Variants in CIT observed in about 807,000 individuals in gnomAD.
The protein encoded by CIT is citron rho-interacting serine/threonine kinase, also known as citron Rho-interacting kinase.
In CIT, 79 loss-of-function variants were observed where a neutral mutation model predicts 272.7. The ratio of observed to expected loss-of-function variants is 0.29; its 90% confidence interval spans 0.24 to 0.35. The LOEUF (loss-of-function observed/expected upper bound fraction) is 0.35. Among genes scored for constraint, CIT ranks in the 10% least tolerant of loss-of-function variants. The pLI is 1.00. For synonymous variants in CIT, 948 were observed against 995.6 expected, an observed-to-expected ratio of 0.95 and a Z score of 0.90; for missense variants, 1,909 against 2,618.3, an observed-to-expected ratio of 0.73 and a Z score of 5.91.
At chr12:119,750,135 G>C (rs756788696) in intron 23 of CIT, among the ~76,000 whole-genome samples, 2 of 152,204 alleles carry the variant, frequency 1.3e-5, no homozygotes, top group African/African-American at 4.8e-5. Flanking sequence ...TTTTCTTTCA[G>C]AGGTTGGGTA....
At chr12:119,814,033 T>C (rs1966916520) in intron 9 of CIT, among the ~76,000 whole-genome samples, 1 of 152,180 alleles carries the variant, frequency 6.6e-6, no homozygotes, top group Non-Finnish European at 1.5e-5. Flanking sequence ...TAACAGGAAC[T>C]TCCTTGTTTT....
chr12:119,794,498 A>G (rs1215302960), intron 10 of CIT, among the ~76,000 whole-genome samples: 2 of 152,224 alleles, frequency 1.3e-5, no homozygotes, highest in Non-Finnish European at 2.9e-5. Context: ...TTACCCATCC[A>G]GGGGATACCC....
Position 119,693,635 on chromosome 12 carries a change from G to A in CIT, c.5883-3181C>T, listed in dbSNP as rs183993515. Among the ~76,000 whole-genome samples the A allele has an allele frequency of 2.5e-3, 384 of 152,316 alleles. 4 individuals carry two copies. Among genetic ancestry groups the A allele is most frequent in the African/African-American group, 8.6e-3 (359 of 41,568 alleles). On this transcript the variant is annotated intron_variant, in intron 46 of 47. Transcript: ENST00000392521. ...AAAAGATCTAGACATTTTCAGGGGA[G>A]GACTGTGGTGCACTGAGCAGTCACT...
At chr12:119,741,546 T>C (rs1283957719) in intron 24 of CIT, among the ~76,000 whole-genome samples, 1 of 152,242 alleles carries the variant, frequency 6.6e-6, no homozygotes, top group African/African-American at 2.4e-5. Flanking sequence ...ACTTAATATT[T>C]CATTTACAGT....
chr12:119,719,409 TA>T (rs995574960), intron 30 of CIT, among the ~76,000 whole-genome samples: 1 of 151,040 alleles, frequency 6.6e-6, no homozygotes, highest in Non-Finnish European at 1.5e-5. Flanking sequence ...TAATGCAACT[TA>T]AAAAAAAGGT....
Position 119,735,286 on chromosome 12 carries a change from G to A in CIT, c.3030C>T (p.Phe1010=). The A allele has an allele frequency of 6.2e-7, 1 of 1,614,220 alleles. No homozygotes were observed. Among genetic ancestry groups the A allele is most frequent in the South Asian group, 1.1e-5 (1 of 91,084 alleles). The change falls in exon 25 of 48, where the codon TTC becomes TTT. Residue 1010 remains phenylalanine (F), a synonymous_variant. Coordinates refer to ENST00000392521, the MANE Select transcript of CIT (RefSeq NM_001206999.2). ...EDNAELNNQN[F]YLSKQLDEAS... ...CCTCATCGAGTTGTTTGGACAAGTA[G>A]AAGTTTTGGTTGTTGAGTTCAGCGT... is the stretch of plus-strand genomic sequence containing the variant.
rs138756427 is a variant in CIT at position 119,713,615 on chromosome 12, G to A, written c.4340C>T (p.Thr1447Met). ...CQVMCHPKCS[T>M]CLPATCGLPA... ...CAAGCCGCAGGTGGCTGGCAAGCAC[G>A]TGGAGCACTTGGGGTGACACATCAC... is the stretch of plus-strand genomic sequence containing the variant. Residue 1447 changes from threonine to methionine, a missense_variant, in exon 34 of 48, where the codon ACG (threonine) becomes ATG (methionine). This residue lies in a region of CIT where 780 missense variants were observed against 1,067.2 expected (regional missense o/e 0.73). Transcript: ENST00000392521. The surrounding 1 kb of genome is among the most constrained non-coding windows in gnomAD (Gnocchi z 5.2). 13 of 1,614,148 alleles carry A rather than the reference G, an allele frequency of 8.1e-6. No homozygotes were observed. Among genetic ancestry groups the A allele is most frequent in the East Asian group, 6.7e-5 (3 of 44,894 alleles).
chr12:119,801,466 C>T (rs1966192408), intron 10 of CIT, among the ~76,000 whole-genome samples: 1 of 152,176 alleles, frequency 6.6e-6, no homozygotes, highest in African/African-American at 2.4e-5. Flanking sequence ...TCTCCCATAT[C>T]ATTCTGCCTT....
chr12:119,814,636 T>C (rs915496174), intron 9 of CIT, among the ~76,000 whole-genome samples: 1 of 152,194 alleles, frequency 6.6e-6, no homozygotes, highest in Non-Finnish European at 1.5e-5. Context: ...TCTATGATCC[T>C]CATGGAACTA....
At position 119,734,393 on chromosome 12, in the gene CIT, TA is replaced by T. The variant is rs559343715; in HGVS notation, c.3157-37del. Reference sequence around the variant, plus strand: ...GTAGCACTGATTTGTGCCTTGTCTTTAAACAAGGATTTCCTGGAGATTACTT... The same window carrying T: ...GTAGCACTGATTTGTGCCTTGTCTTTAACAAGGATTTCCTGGAGATTACTT... On this transcript the variant is annotated intron_variant, in intron 25 of 47. Transcript: ENST00000392521. 3.9e-3 allele frequency: 6,126 copies of T among 1,590,328 alleles called. 24 individuals are homozygous for T. Among genetic ancestry groups the T allele is most frequent in the Non-Finnish European group, 4.5e-3 (5,285 of 1,163,892 alleles).
At chr12:119,860,277 T>C (rs58974044) in intron 3 of CIT, among the ~76,000 whole-genome samples, 6,898 of 152,188 alleles carry the variant, frequency 0.045, 289 homozygotes, top group African/African-American at 0.11. Flanking sequence ...ACACCTTCCC[T>C]TGGTCCCTTG....
Position 119,710,522 on chromosome 12 carries a change from T to C in CIT, c.4935+18A>G. Reference sequence around the variant, plus strand: ...GCTGTAACCAGACACCAGCTGGCCGTGCCCATGCAAGCATTACCTGGTCAC... The same window carrying C: ...GCTGTAACCAGACACCAGCTGGCCGCGCCCATGCAAGCATTACCTGGTCAC... On this transcript the variant is annotated intron_variant, in intron 38 of 47. Transcript: ENST00000392521. This position sits in a 1 kb window ranked among gnomAD's most constrained non-coding sequence, Gnocchi z 5.6. 1 of 1,613,972 alleles carries C rather than the reference T, an allele frequency of 6.2e-7. No homozygotes were observed. The highest frequency in any genetic ancestry group is 8.5e-7 in the Non-Finnish European group (1 of 1,179,798).
At chr12:119,744,774 T>G (rs1959187853) in intron 23 of CIT, among the ~76,000 whole-genome samples, 1 of 151,092 alleles carries the variant, frequency 6.6e-6, no homozygotes, top group African/African-American at 2.4e-5. Context: ...AGAGCTGTGA[T>G]GTTTTTTCTA....
rs1398581106 is a variant in CIT at position 119,694,027 on chromosome 12, T to C, written c.5883-3573A>G. Among the ~76,000 whole-genome samples, 2 of 152,152 alleles carry C rather than the reference T, an allele frequency of 1.3e-5. No individual in the cohort carries two copies. The highest frequency in any genetic ancestry group is 2.9e-5 in the Non-Finnish European group (2 of 67,994). On this transcript the variant is annotated intron_variant, in intron 46 of 47. Coordinates refer to ENST00000392521, the MANE Select transcript of CIT (RefSeq NM_001206999.2). This position sits in a 1 kb window ranked among gnomAD's most constrained non-coding sequence, Gnocchi z 4.5. Reference sequence around the variant, plus strand: ...TATCTTAGGTCATTTATTCCCGGGGTTAAATAATCTCAGACCTTCTTTGCA... The same window carrying C: ...TATCTTAGGTCATTTATTCCCGGGGCTAAATAATCTCAGACCTTCTTTGCA...
chr12:119,812,033 C>A (rs762885336), intron 9 of CIT, among the ~76,000 whole-genome samples: 13 of 151,530 alleles, frequency 8.6e-5, no homozygotes, highest in Non-Finnish European at 1.8e-4. Flanking sequence ...GCAACCTCCA[C>A]CTCCCGGGTT....
In CIT at chr12:119,705,828, GCC is replaced by G. The variant is rs1344025909; in HGVS notation, c.5212-1375_5212-1374del. Among the ~76,000 whole-genome samples, 3 of 145,178 alleles carry G rather than the reference GCC, an allele frequency of 2.1e-5. No homozygotes were observed. The East Asian group carries it at 6.1e-4, about 30-fold the overall frequency. On this transcript the variant is annotated intron_variant, in intron 40 of 47. Coordinates refer to ENST00000392521, the MANE Select transcript of CIT (RefSeq NM_001206999.2). ...ATTTTGGCCAGGTGCAGTGGCTCAT[GCC>G]TGTAATCCCAGCACTTTGGGAGGCC...
chr12:119,823,049 T>G, intron 8 of CIT, 76 bp from the exon 9 acceptor site: 1 of 1,423,888 alleles, frequency 7.0e-7, no homozygotes, highest in Non-Finnish European at 9.5e-7. Context: ...AAGAAAGTAT[T>G]TCTCATATAT....
intron 28 of CIT, among the ~76,000 whole-genome samples, chr12:119,726,385 ATTTTTTTTTTTT>A (rs3999547): frequency 3.0e-5 from 3 of 101,416 alleles, no homozygotes; most frequent in Non-Finnish European, 5.7e-5. Context: ...CACTTGGCTA[ATTTTTTTTTTTT>A]TTTTTTTTTT....
At chr12:119,717,716 C>T (rs1358853833) in intron 32 of CIT, among the ~76,000 whole-genome samples, 1 of 151,412 alleles carries the variant, frequency 6.6e-6, no homozygotes, top group Non-Finnish European at 1.5e-5. Context: ...CCACCATGCC[C>T]AGCCTATTTT....
Sources: allele counts gnomAD v4.1 joint callset (sites outside exome capture counted in the v4.1 genomes callset), GRCh38; gene constraint gnomAD v4.1.1; regional missense constraint gnomAD v4.1.1; non-coding constraint Gnocchi (gnomAD v3.1); transcripts MANE v1.5; gene names NCBI Gene and HGNC (gene_info 2026-07-23, HGNC 2026-07-21).